The following ANTXR2 variants were observed in gnomAD, a reference collection of about 807,000 sequenced individuals.
ANTXR2 encodes ANTXR cell adhesion molecule 2.
Under a neutral mutation model 73.7 loss-of-function variants are expected in ANTXR2, and 44 were observed. The observed-to-expected ratio is 0.60, with a 90% confidence interval of 0.47 to 0.77. The LOEUF is 0.77. Among genes scored for constraint, ANTXR2 ranks in the 30% least tolerant of loss-of-function variants. ANTXR2 has a pLI of 0.00. For synonymous variants in ANTXR2, 217 were observed against 205.9 expected, an observed-to-expected ratio of 1.05 and a Z score of -0.46; for missense variants, 604 against 592.5, an observed-to-expected ratio of 1.02 and a Z score of -0.20.
chr4:80,050,662 T>C (rs976833117), intron 7 of ANTXR2, among the ~76,000 whole-genome samples: 1 of 151,686 alleles, frequency 6.6e-6, no homozygotes, highest in African/African-American at 2.4e-5. Context: ...CCCAGGTCAC[T>C]TGGCAAGACA....
chr4:79,995,648 T>C lies in ANTXR2; in HGVS notation c.1042-10785A>G, dbSNP rs542057724. Among the ~76,000 whole-genome samples, 3 of 152,106 alleles carry C rather than the reference T, an allele frequency of 2.0e-5. No individual in the cohort carries two copies. In the South Asian group the frequency reaches 6.2e-4, roughly 31 times the overall value. The stretch of plus-strand genomic sequence containing the variant: ...TTTTGCTTCTATGCCTTTCCATGGA[T>C]AAATATGGCCATATGTCTATATGCA... On this transcript the variant is annotated intron_variant, in intron 12 of 16. Coordinates refer to ENST00000403729, the MANE Select transcript of ANTXR2 (RefSeq NM_058172.6).
chr4:79,979,379 A>C (rs1400160374), intron 14 of ANTXR2, among the ~76,000 whole-genome samples: 1 of 152,106 alleles, frequency 6.6e-6, no homozygotes, highest in Non-Finnish European at 1.5e-5. Flanking sequence ...ACTATGACAC[A>C]TCAGAGTTAA....
At chr4:80,057,297 C>T (rs1365463601) in intron 3 of ANTXR2, among the ~76,000 whole-genome samples, 3 of 151,842 alleles carry the variant, frequency 2.0e-5, no homozygotes, top group Non-Finnish European at 4.4e-5. Context: ...TGTGTGTATA[C>T]GTTTATATCA....
intron 12 of ANTXR2, among the ~76,000 whole-genome samples, chr4:79,986,891 T>C (rs1314403937): frequency 1.3e-5 from 2 of 152,176 alleles, no homozygotes; most frequent in Non-Finnish European, 2.9e-5. Flanking sequence ...AAGCTGAGGC[T>C]TGGCCTCCTG....
Position 80,018,814 on chromosome 4 carries a change from G to C in ANTXR2, c.945+84C>G, listed in dbSNP as rs115873284. On this transcript the variant is annotated intron_variant, in intron 11 of 16. Transcript: ENST00000403729. ...TATTGTTTGCATCTCCTTTATTGTAGTATGCAACAACACCAAAGATCCATA... is the reference window on the plus strand; with the variant it reads ...TATTGTTTGCATCTCCTTTATTGTACTATGCAACAACACCAAAGATCCATA... 2.3e-3 allele frequency: 2,435 copies of C among 1,065,214 alleles called. 43 individuals carry two copies. The African/African-American group carries it at 0.036, about 16-fold the overall frequency. 66.0% of individuals were successfully genotyped at this position (1,065,214 alleles called of 1,614,324 possible). A position where few individuals can be genotyped will look rare whatever the true frequency, so the allele number is the denominator to read the frequency against.
intron 16 of ANTXR2, among the ~76,000 whole-genome samples, chr4:79,976,158 C>T (rs1188542242): frequency 1.3e-5 from 2 of 152,012 alleles, no homozygotes; most frequent in East Asian, 3.9e-4. Context: ...GTGATCCGCC[C>T]GCCTCGGCTT....
intron 16 of ANTXR2, among the ~76,000 whole-genome samples, chr4:79,921,531 C>A (rs1412112391): frequency 6.6e-6 from 1 of 151,992 alleles, no homozygotes; most frequent in East Asian, 1.9e-4. Context: ...CAATTTGAGA[C>A]TAACTGATTT....
chr4:80,041,416 G>T (rs1733243172), intron 7 of ANTXR2, among the ~76,000 whole-genome samples: 1 of 151,880 alleles, frequency 6.6e-6, no homozygotes, highest in Admixed American at 6.6e-5. Flanking sequence ...CTAAGCTTTT[G>T]CTTTTATTTG....
At chr4:80,008,007 T>C (rs1324772977) in intron 12 of ANTXR2, among the ~76,000 whole-genome samples, 2 of 152,194 alleles carry the variant, frequency 1.3e-5, no homozygotes, top group Non-Finnish European at 2.9e-5. Flanking sequence ...TGACACAAAC[T>C]GAAACTCCTC....
At chr4:79,995,941 T>G (rs1299498822) in intron 12 of ANTXR2, among the ~76,000 whole-genome samples, 2 of 152,046 alleles carry the variant, frequency 1.3e-5, no homozygotes, top group Non-Finnish European at 2.9e-5. Context: ...GGCTCATCTG[T>G]GTGTTGTTAA....
chr4:79,929,713 C>T (rs1727984272), intron 16 of ANTXR2, among the ~76,000 whole-genome samples: 2 of 145,756 alleles, frequency 1.4e-5, no homozygotes. Context: ...AAGACCTTTC[C>T]AAACTGATAT....
chr4:79,926,955 G>GTGCATATATGTGTGTATATATACACA (rs1470173608), intron 16 of ANTXR2, among the ~76,000 whole-genome samples: 1 of 80,852 alleles, frequency 1.2e-5, no homozygotes, highest in Non-Finnish European at 2.2e-5. Context: ...GTATATATAC[G>GTGCATATATGTGTGTATATATACACA]TGTGCATATA....
At chr4:80,054,067 C>G (rs183693543) in intron 7 of ANTXR2, among the ~76,000 whole-genome samples, 1 of 151,696 alleles carries the variant, frequency 6.6e-6, no homozygotes, top group East Asian at 1.9e-4. Context: ...TCACAGAGCC[C>G]AACATGCAAG....
chr4:79,915,777 T>G (rs1384646013), intron 16 of ANTXR2, among the ~76,000 whole-genome samples: 1 of 151,436 alleles, frequency 6.6e-6, no homozygotes, highest in East Asian at 1.9e-4. Context: ...AGAAAAGGCA[T>G]GTAGTATCAC....
chr4:80,056,165 C>T (rs901530437), intron 3 of ANTXR2, among the ~76,000 whole-genome samples, 152 bp from the exon 4 acceptor site: 2 of 151,868 alleles, frequency 1.3e-5, no homozygotes, highest in Admixed American at 1.3e-4. Context: ...ACTTCATATA[C>T]TTTTTGTAAT....
At chr4:80,009,189 C>T (rs1560982506) in intron 11 of ANTXR2, among the ~76,000 whole-genome samples, 1 of 152,138 alleles carries the variant, frequency 6.6e-6, no homozygotes, top group African/African-American at 2.4e-5. Context: ...ATATGACCTA[C>T]ACAAAAACCA....
intron 16 of ANTXR2, 164 bp downstream of exon 16, chr4:79,977,457 T>C: frequency 1.5e-6 from 2 of 1,353,422 alleles, no homozygotes; most frequent in East Asian, 2.7e-5. Context: ...ATTCTAACAA[T>C]AGGTAATTTA....
intron 16 of ANTXR2, among the ~76,000 whole-genome samples, chr4:79,932,855 G>A (rs1172720020): frequency 6.8e-6 from 1 of 147,914 alleles, no homozygotes; most frequent in Non-Finnish European, 1.5e-5. Context: ...AACTAGATTA[G>A]TGAAGGAGGC....
chr4:80,070,012 T>C (rs907685732), intron 2 of ANTXR2, among the ~76,000 whole-genome samples: 18 of 152,242 alleles, frequency 1.2e-4, no homozygotes, highest in Admixed American at 5.2e-4. Flanking sequence ...TAAATCACTT[T>C]CTGCTTAGGC....
Sources: allele counts gnomAD v4.1 joint callset (sites outside exome capture counted in the v4.1 genomes callset), GRCh38; gene constraint gnomAD v4.1.1; transcripts MANE v1.5; gene names NCBI Gene and HGNC (gene_info 2026-07-23, HGNC 2026-07-21).